Variants in LEKR1 observed in about 807,000 individuals in gnomAD.
LEKR1 encodes the protein leucine, glutamate and lysine rich 1.
A neutral mutation model predicts 72.4 loss-of-function variants in LEKR1; 59 were observed. That is an observed-to-expected ratio of 0.82 (90% CI 0.66 to 1.01). LEKR1 has a LOEUF of 1.01. LEKR1 is among the 50% of genes least tolerant of loss of function. LEKR1 has a pLI of 0.00. For synonymous variants in LEKR1, 257 were observed against 263.2 expected (o/e 0.98, Z 0.23); for missense variants, 728 against 759.2 (o/e 0.96, Z 0.48).
chr3:156,956,062 A>G (rs531060686), intron 6 of LEKR1, among the ~76,000 whole-genome samples: 1 of 151,948 alleles, frequency 6.6e-6, no homozygotes, highest in African/African-American at 2.4e-5. Flanking sequence ...TTCAAACAGT[A>G]AAGTAATTTA....
At chr3:157,004,005 A>T (rs1376958969) in intron 9 of LEKR1, among the ~76,000 whole-genome samples, 1 of 152,186 alleles carries the variant, frequency 6.6e-6, no homozygotes, top group Non-Finnish European at 1.5e-5. Flanking sequence ...ATTAAATTAA[A>T]TGTAAATTGT....
intron 2 of LEKR1, among the ~76,000 whole-genome samples, chr3:156,836,071 G>A (rs934139714): frequency 3.3e-5 from 5 of 151,332 alleles, no homozygotes; most frequent in Admixed American, 6.6e-5. Flanking sequence ...AGGGGCTTTC[G>A]TCATGTTCAA....
At position 157,045,449 on chromosome 3, in the gene LEKR1, G is replaced by T. The variant is rs1735681249; in HGVS notation, c.1778G>T (p.Gly593Val). ...EQLLELSKLR[G>V]SLPFSPCSLS... ...CTCCTGGAGCTCAGTAAGCTTCGTG[G>T]AAGTTTACCATTCTCACCGTGTTCC... The change falls in exon 13 of 13, where the codon GGA becomes GTA. Residue 593 changes from glycine to valine, a missense_variant. Coordinates refer to ENST00000356539, the MANE Select transcript of LEKR1 (RefSeq NM_001004316.3). 6.2e-7 allele frequency: 1 copy of T among 1,614,094 alleles called. No individual in the cohort carries two copies. Among genetic ancestry groups the T allele is most frequent in the Non-Finnish European group, 8.5e-7 (1 of 1,180,020 alleles).
chr3:156,894,071 T>C (rs574511583), intron 3 of LEKR1, among the ~76,000 whole-genome samples: 1 of 152,232 alleles, frequency 6.6e-6, no homozygotes, highest in South Asian at 2.1e-4. Context: ...AGCAATCACC[T>C]GAAACAGTGT....
chr3:157,018,604 GT>G (rs1333591998), intron 10 of LEKR1, among the ~76,000 whole-genome samples: 5 of 151,924 alleles, frequency 3.3e-5, no homozygotes, highest in African/African-American at 4.8e-5. Context: ...AGATGTAGGG[GT>G]TGGGGGGACA....
At chr3:156,881,223 G>C (rs1209286781) in intron 3 of LEKR1, among the ~76,000 whole-genome samples, 1 of 152,152 alleles carries the variant, frequency 6.6e-6, no homozygotes, top group Non-Finnish European at 1.5e-5. Flanking sequence ...CCTGTTTGCA[G>C]ATGACATGAT....
chr3:156,948,583 G>T (rs1726883618), intron 6 of LEKR1, among the ~76,000 whole-genome samples: 1 of 151,456 alleles, frequency 6.6e-6, no homozygotes, highest in Non-Finnish European at 1.5e-5. Flanking sequence ...TGGGCACTTA[G>T]GTTGATTCCA....
intron 12 of LEKR1, among the ~76,000 whole-genome samples, chr3:157,035,974 TCA>T (rs1734942799): frequency 6.6e-6 from 1 of 152,192 alleles, no homozygotes; most frequent in East Asian, 1.9e-4. Flanking sequence ...ATATCCATGT[TCA>T]GTCTACCTAC....
chr3:157,027,539 G>A (rs1174006775), intron 11 of LEKR1, among the ~76,000 whole-genome samples: 1 of 152,070 alleles, frequency 6.6e-6, no homozygotes, highest in Non-Finnish European at 1.5e-5. Context: ...GCTGAGGCTG[G>A]GCACAGTGGC....
intron 3 of LEKR1, among the ~76,000 whole-genome samples, chr3:156,912,267 T>C (rs1723186894): frequency 6.6e-6 from 1 of 152,110 alleles, no homozygotes; most frequent in African/African-American, 2.4e-5. Context: ...ACCCAATATG[T>C]AGTGTTTTAT....
At chr3:157,021,228 T>A (rs1733811073) in intron 10 of LEKR1, among the ~76,000 whole-genome samples, 1 of 152,010 alleles carries the variant, frequency 6.6e-6, no homozygotes, top group Non-Finnish European at 1.5e-5. Context: ...ATTTTATAGG[T>A]TGCCTGTTCA....
chr3:157,021,952 A>G (rs1222569375), intron 10 of LEKR1, among the ~76,000 whole-genome samples: 1 of 152,142 alleles, frequency 6.6e-6, no homozygotes, highest in African/African-American at 2.4e-5. Context: ...TTCCAAATGT[A>G]TTACATTTGG....
intron 6 of LEKR1, among the ~76,000 whole-genome samples, chr3:156,973,976 T>G (rs1157120951): frequency 6.6e-6 from 1 of 152,176 alleles, no homozygotes; most frequent in African/African-American, 2.4e-5. Context: ...TGGCAGTATT[T>G]ATGTGTATTC....
intron 9 of LEKR1, among the ~76,000 whole-genome samples, chr3:157,000,880 G>A (rs1231708301): frequency 1.3e-5 from 2 of 152,128 alleles, no homozygotes; most frequent in Non-Finnish European, 2.9e-5. Context: ...TAATTGAATC[G>A]TGGGGGCAGT....
chr3:156,854,868 A>G (rs868655944), intron 3 of LEKR1, among the ~76,000 whole-genome samples: 1 of 151,940 alleles, frequency 6.6e-6, no homozygotes, highest in Non-Finnish European at 1.5e-5. Context: ...TTCTTAATAT[A>G]TGTAGTTTAT....
At chr3:156,979,040 T>C (rs1729948635) in intron 6 of LEKR1, among the ~76,000 whole-genome samples, 154 bp from the exon 7 acceptor site, 1 of 152,148 alleles carries the variant, frequency 6.6e-6, no homozygotes, top group African/African-American at 2.4e-5. Context: ...GAGTAGGCAA[T>C]GATAAGTTGC....
chr3:156,878,892 T>C (rs1718938047), intron 3 of LEKR1, among the ~76,000 whole-genome samples: 1 of 152,224 alleles, frequency 6.6e-6, no homozygotes, highest in Non-Finnish European at 1.5e-5. Flanking sequence ...ACCCTTTCAC[T>C]TGGCTCTCAT....
At chr3:156,925,865 A>T (rs1724667457) in intron 4 of LEKR1, among the ~76,000 whole-genome samples, 1 of 152,074 alleles carries the variant, frequency 6.6e-6, no homozygotes, top group South Asian at 2.1e-4. Flanking sequence ...ATACCATTAT[A>T]ATTGCCATTT....
chr3:156,888,398 G>A (rs1417697760), intron 3 of LEKR1: 1 of 699,038 alleles, frequency 1.4e-6, no homozygotes, highest in South Asian at 1.5e-5. Flanking sequence ...CCATACATAG[G>A]TCTGTGATTT....
Sources: gnomAD v4.1 joint callset for allele counts (sites outside exome capture counted in the v4.1 genomes callset) on GRCh38, gnomAD v4.1.1 for gene constraint, MANE v1.5 for transcripts, NCBI Gene and HGNC (gene_info 2026-07-23, HGNC 2026-07-21) for gene names.